ZPR1: variants seen among roughly 807,000 people sequenced by gnomAD.
The protein encoded by ZPR1 is zinc finger protein ZPR1.
Under a neutral mutation model 59.6 loss-of-function variants are expected in ZPR1, and 37 were observed. The ratio of observed to expected loss-of-function variants is 0.62; its 90% CI spans 0.48 to 0.82. The LOEUF is 0.82. Among genes scored for constraint, ZPR1 ranks in the 40% least tolerant of loss-of-function variants. The pLI is 0.00. For missense variants in ZPR1, 527 were observed against 579.9 expected, an observed-to-expected ratio of 0.91 and a Z score of 0.94; for synonymous variants, 191 against 215.2, an observed-to-expected ratio of 0.89 and a Z score of 0.99.
chr11:116,776,617 C>A lies in ZPR1; in HGVS notation c.*2308G>T, dbSNP rs780179705. ...TTAGCTGGGTTATCCCAGTCTGGCA[C>A]CTGGTCCTCAGTCTTCAAGTTCAGA... On this transcript the variant is annotated 3_prime_UTR_variant, in exon 14 of 14. Transcript: ENST00000227322. 2.0e-5 allele frequency: 3 copies of A among 152,238 alleles called. No individual in the cohort carries two copies. Among genetic ancestry groups the A allele is most frequent in the Non-Finnish European group, 4.4e-5 (3 of 68,044 alleles). 9.4% of individuals were successfully genotyped at this position (152,238 alleles called of 1,614,324 possible). A position where few individuals can be genotyped will look rare whatever the true frequency, so the allele number is the denominator to read the frequency against.
At position 116,778,778 on chromosome 11, in the gene ZPR1, C is replaced by T; in HGVS notation, c.*147G>A. 1 of 997,164 alleles carries T rather than the reference C, an allele frequency of 1.0e-6. No homozygotes were observed. Among genetic ancestry groups the T allele is most frequent in the South Asian group, 1.7e-5 (1 of 58,934 alleles). The allele number at this position is 997,164 out of a possible 1,614,324, so 61.8% of individuals were successfully genotyped here. A position where few individuals can be genotyped will look rare whatever the true frequency, so the allele number is the denominator to read the frequency against. On this transcript the variant is annotated 3_prime_UTR_variant, in exon 14 of 14. Coordinates refer to ENST00000227322, the MANE Select transcript of ZPR1 (RefSeq NM_003904.5). Reference sequence around the variant, plus strand: ...CATCACAAGCTGTTTAGAAAGTGTGCACAGATCTCTGACTCAGACCAGATG... The same window carrying T: ...CATCACAAGCTGTTTAGAAAGTGTGTACAGATCTCTGACTCAGACCAGATG...
At position 116,784,535 on chromosome 11, in the gene ZPR1, T is replaced by C. The variant is rs771596265; in HGVS notation, c.821-87A>G. 1.1e-5 allele frequency: 14 copies of C among 1,279,318 alleles called. No homozygotes were observed. The African/African-American group carries it at 1.2e-4, about 11-fold the overall frequency. The allele number at this position is 1,279,318 out of a possible 1,614,324, so 79.2% of individuals were successfully genotyped here. Reference sequence around the variant, plus strand: ...CAAAGCCAAACCCCACACAAACATATGCTGGTCCCAGAACTGCAGGAAATA... The same window carrying C: ...CAAAGCCAAACCCCACACAAACATACGCTGGTCCCAGAACTGCAGGAAATA... On this transcript the variant is annotated intron_variant, in intron 8 of 13. Transcript: ENST00000227322.
intron 4 of ZPR1, 144 bp downstream of exon 4, chr11:116,786,367 T>C (rs1940886327): frequency 2.6e-6 from 2 of 782,912 alleles, no homozygotes; most frequent in Admixed American, 2.4e-5. Flanking sequence ...AATTATAACA[T>C]ATGCAACATT....
intron 9 of ZPR1, 52 bp from the exon 10 acceptor site, chr11:116,783,671 G>A: frequency 6.9e-7 from 1 of 1,459,738 alleles, no homozygotes; most frequent in Non-Finnish European, 9.6e-7. Flanking sequence ...GCCTCACTTG[G>A]TACCCAGGAG....
At chr11:116,784,773 T>G in intron 8 of ZPR1, 82 bp downstream of exon 8, 1 of 1,419,554 alleles carries the variant, frequency 7.0e-7, no homozygotes, top group Non-Finnish European at 9.9e-7. Flanking sequence ...TGTGTTTTCC[T>G]TGAAAGGGAT....
chr11:116,782,834 A>G (rs1378143938), intron 11 of ZPR1, 85 bp downstream of exon 11: 1 of 1,100,166 alleles, frequency 9.1e-7, no homozygotes, highest in East Asian at 2.4e-5. Flanking sequence ...CCAGCACCGA[A>G]AATTAGGATG....
In ZPR1 at chr11:116,787,945, C is replaced by A; in HGVS notation, c.46G>T (p.Val16Phe). ...AVEPGPPGAA[V>F]APSPAPAPPP... ...GGGGCCGGGGCGGGCGACGGGGCGACGGCAGCCCCCGGGGGCCCTGGTTCC... is the reference window on the plus strand; with the variant it reads ...GGGGCCGGGGCGGGCGACGGGGCGAAGGCAGCCCCCGGGGGCCCTGGTTCC... Residue 16 changes from valine (V) to phenylalanine (F), a missense_variant, in exon 1 of 14, where the codon GTC becomes TTC. Transcript: ENST00000227322. 2 of 1,465,468 alleles carry A rather than the reference C, an allele frequency of 1.4e-6. No homozygotes were observed. Among genetic ancestry groups the A allele is most frequent in the Middle Eastern group, 2.5e-4 (1 of 4,046 alleles). 90.8% of individuals were successfully genotyped at this position (1,465,468 alleles called of 1,614,324 possible).
intron 13 of ZPR1, 133 bp from the exon 14 acceptor site, chr11:116,779,192 T>C: frequency 1.6e-6 from 2 of 1,265,700 alleles, no homozygotes; most frequent in South Asian, 1.5e-5. Context: ...CAATTTCCCA[T>C]GGCTAGACTG....
At chr11:116,783,439 G>A in intron 10 of ZPR1, 91 bp downstream of exon 10, 5 of 1,149,928 alleles carry the variant, frequency 4.3e-6, no homozygotes, top group Non-Finnish European at 6.5e-6. Context: ...TCATGTCCCT[G>A]AACATTATTT....
At chr11:116,787,759 C>A in intron 1 of ZPR1, 61 bp downstream of exon 1, 1 of 1,520,130 alleles carries the variant, frequency 6.6e-7, no homozygotes, top group Non-Finnish European at 8.8e-7. Context: ...GGGTCTGACC[C>A]CCGGCTCGTC....
At chr11:116,782,655 C>T (rs1478830389) in intron 11 of ZPR1, among the ~76,000 whole-genome samples, 1 of 152,154 alleles carries the variant, frequency 6.6e-6, no homozygotes, top group African/African-American at 2.4e-5. Flanking sequence ...ACCCTCATCC[C>T]CTAACTTTAC....
At position 116,778,769 on chromosome 11, in the gene ZPR1, G is replaced by A. The variant is rs1940756089; in HGVS notation, c.*156C>T. On this transcript the variant is annotated 3_prime_UTR_variant, in exon 14 of 14. Coordinates refer to ENST00000227322, the MANE Select transcript of ZPR1 (RefSeq NM_003904.5). Reference sequence around the variant, plus strand: ...TCACACTTGCATCACAAGCTGTTTAGAAAGTGTGCACAGATCTCTGACTCA... The same window carrying A: ...TCACACTTGCATCACAAGCTGTTTAAAAAGTGTGCACAGATCTCTGACTCA... 1.1e-6 allele frequency: 1 copy of A among 927,458 alleles called. No individual in the cohort carries two copies. Among genetic ancestry groups the A allele is most frequent in the African/African-American group, 1.7e-5 (1 of 60,230 alleles). 57.5% of individuals were successfully genotyped at this position (927,458 alleles called of 1,614,324 possible).
At chr11:116,786,069 C>T (rs1372422510) in intron 4 of ZPR1, among the ~76,000 whole-genome samples, 187 bp from the exon 5 acceptor site, 1 of 152,164 alleles carries the variant, frequency 6.6e-6, no homozygotes, top group Non-Finnish European at 1.5e-5. Flanking sequence ...ACAGGTGAGC[C>T]TCCTTTTTCT....
chr11:116,775,477 AAT>A lies in ZPR1; in HGVS notation c.*3446_*3447del. 6.6e-6 allele frequency: 1 copy of A among 152,638 alleles called. No individual in the cohort carries two copies. The allele number at this position is 152,638 out of a possible 1,614,324, so 9.5% of individuals were successfully genotyped here. A position where few individuals can be genotyped will look rare whatever the true frequency, so the allele number is the denominator to read the frequency against. On this transcript the variant is annotated 3_prime_UTR_variant, in exon 14 of 14. Transcript: ENST00000227322. ...TCTCCAAAAAAAAAAAAAAAAAAAA[AAT>A]TAGCCAGGCATGGTGGCGTGCACCT...
At chr11:116,787,257 A>G in intron 2 of ZPR1, 198 bp from the exon 3 acceptor site, 1 of 664,058 alleles carries the variant, frequency 1.5e-6, no homozygotes, top group Non-Finnish European at 2.6e-6. Flanking sequence ...TACTATTCAT[A>G]ACAACTACTG....
chr11:116,787,509 GCGC>G lies in ZPR1; in HGVS notation c.303_305del (p.Arg102del). ...CCAGAGCCCTGACAGACAAAGTGTA[GCGC>G]ACTCCCTGGTCCTGGATCCTGCCTG... On this transcript the variant is annotated inframe_deletion, in exon 2 of 14. Transcript: ENST00000227322. The G allele has an allele frequency of 6.2e-7, 1 of 1,614,102 alleles. No homozygotes were observed. Among genetic ancestry groups the G allele is most frequent in the Non-Finnish European group, 8.5e-7 (1 of 1,179,990 alleles).
In ZPR1 at chr11:116,779,669, A is replaced by G. The variant is rs569101007; in HGVS notation, c.1245+103T>C. On this transcript the variant is annotated intron_variant, in intron 13 of 13. Transcript: ENST00000227322. ...AACTTCTGCCTCCTTGGTAAAAAGC[A>G]GTCCATTTAGAATCAAGTCTTTCAG... is the stretch of plus-strand genomic sequence containing the variant. The G allele has an allele frequency of 8.4e-6, 7 of 832,366 alleles. No homozygotes were observed. In the South Asian group the frequency reaches 1.2e-4, roughly 14 times the overall value. 51.6% of individuals were successfully genotyped at this position (832,366 alleles called of 1,614,324 possible).
intron 13 of ZPR1, 30 bp from the exon 14 acceptor site, chr11:116,779,089 C>T (rs370072421): frequency 8.7e-6 from 14 of 1,610,786 alleles, no homozygotes; most frequent in South Asian, 2.2e-5. Context: ...CAATCAGTGC[C>T]GCTGTGCCAC....
intron 10 of ZPR1, 67 bp from the exon 11 acceptor site, chr11:116,783,096 C>A: frequency 8.5e-7 from 1 of 1,179,348 alleles, no homozygotes; most frequent in Non-Finnish European, 1.3e-6. Context: ...AGGCCTCCTG[C>A]CCAATTAATA....
Sources: gnomAD v4.1 joint callset for allele counts (sites outside exome capture counted in the v4.1 genomes callset) on GRCh38, gnomAD v4.1.1 for gene constraint, MANE v1.5 for transcripts, NCBI Gene and HGNC (gene_info 2026-07-23, HGNC 2026-07-21) for gene names.